MIPOL1: variants seen among roughly 807,000 people sequenced by gnomAD.
The protein encoded by MIPOL1 is mirror-image polydactyly 1.
MIPOL1 carries 57 observed loss-of-function variants against 60.9 expected under a neutral mutation model. The observed-to-expected ratio is 0.94, with a 90% CI of 0.76 to 1.17. MIPOL1 has a LOEUF of 1.17. MIPOL1 is among the 50% of genes most tolerant of loss of function. The probability of loss-of-function intolerance (pLI) is 0.00; values close to 1 mark genes in which losing one functional copy is unlikely to be tolerated. For missense variants in MIPOL1, 551 were observed against 511.6 expected, an observed-to-expected ratio of 1.08 and a Z score of -0.74; for synonymous variants, 179 against 168.8, an observed-to-expected ratio of 1.06 and a Z score of -0.47.
At chr14:37,239,776 T>C (rs1972063700) in intron 1 of MIPOL1, among the ~76,000 whole-genome samples, 2 of 152,182 alleles carry the variant, frequency 1.3e-5, no homozygotes, top group Non-Finnish European at 2.9e-5. Flanking sequence ...TCAGCTTTTG[T>C]AGTTTCTCAG....
At position 37,409,208 on chromosome 14, in the gene MIPOL1, A is replaced by G. The variant is rs559744247; in HGVS notation, c.937-13647A>G. On this transcript the variant is annotated intron_variant, in intron 10 of 12. Coordinates refer to ENST00000684589, the MANE Select transcript of MIPOL1 (RefSeq NM_001388067.1). ...TGATTTCAAAGTTAAAGATCAATCA[A>G]GCACATCAGGAAGAAAACCATCATG... 1.2e-4 allele frequency among the ~76,000 whole-genome samples: 19 copies of G among 152,300 alleles called. No individual in the cohort carries two copies. In the South Asian group the frequency reaches 3.9e-3, roughly 32 times the overall value.
At chr14:37,522,930 C>G (rs2095423818) in intron 12 of MIPOL1, among the ~76,000 whole-genome samples, 1 of 151,926 alleles carries the variant, frequency 6.6e-6, no homozygotes, top group African/African-American at 2.4e-5. Context: ...GAAACTGGAA[C>G]CCATTAATAC....
intron 9 of MIPOL1, among the ~76,000 whole-genome samples, chr14:37,367,951 C>G (rs1310637371): frequency 6.6e-6 from 1 of 151,966 alleles, no homozygotes; most frequent in Non-Finnish European, 1.5e-5. Flanking sequence ...GACAGAGACA[C>G]AGTTTAATAT....
chr14:37,483,325 G>A (rs1306445941), intron 11 of MIPOL1, among the ~76,000 whole-genome samples: 1 of 151,970 alleles, frequency 6.6e-6, no homozygotes, highest in African/African-American at 2.4e-5. Flanking sequence ...ACGTTGACCA[G>A]ACTGGTCTCA....
chr14:37,376,215 A>G (rs1262041956), intron 10 of MIPOL1, among the ~76,000 whole-genome samples: 1 of 152,192 alleles, frequency 6.6e-6, no homozygotes, highest in Non-Finnish European at 1.5e-5. Context: ...CATAGTTTAC[A>G]TTAGAATTCA....
chr14:37,487,759 T>C (rs2094973898), intron 11 of MIPOL1, among the ~76,000 whole-genome samples: 1 of 152,178 alleles, frequency 6.6e-6, no homozygotes, highest in African/African-American at 2.4e-5. Flanking sequence ...TAGCGGTCTA[T>C]TTTGTTCATC....
At chr14:37,445,855 A>G (rs1415294624) in intron 11 of MIPOL1, among the ~76,000 whole-genome samples, 3 of 152,198 alleles carry the variant, frequency 2.0e-5, no homozygotes, top group Admixed American at 1.3e-4. Context: ...GGTGCTGGGA[A>G]AACTGGCTAG....
intron 1 of MIPOL1, among the ~76,000 whole-genome samples, chr14:37,199,061 G>C (rs1027099776): frequency 3.9e-5 from 6 of 152,156 alleles, no homozygotes; most frequent in African/African-American, 1.2e-4. Context: ...AAATGAATGG[G>C]AGATGTATAC....
At chr14:37,295,861 T>A (rs1352718016) in intron 7 of MIPOL1, among the ~76,000 whole-genome samples, 1 of 152,106 alleles carries the variant, frequency 6.6e-6, no homozygotes, top group Non-Finnish European at 1.5e-5. Flanking sequence ...CATGGGAGAC[T>A]TTAACACCCC....
intron 5 of MIPOL1, among the ~76,000 whole-genome samples, chr14:37,269,620 A>C (rs1373385750): frequency 6.6e-6 from 1 of 152,136 alleles, no homozygotes; most frequent in African/African-American, 2.4e-5. Context: ...TGTCAGTGTC[A>C]ATTTAAATGG....
chr14:37,210,795 A>G (rs1197535187), intron 1 of MIPOL1, among the ~76,000 whole-genome samples: 2 of 152,186 alleles, frequency 1.3e-5, no homozygotes, highest in Non-Finnish European at 2.9e-5. Flanking sequence ...CGAGAGGGCA[A>G]TGTCTGGTTA....
At position 37,550,690 on chromosome 14, in the gene MIPOL1, T is replaced by C. The variant is rs916983623; in HGVS notation, c.*3719T>C. On this transcript the variant is annotated 3_prime_UTR_variant, in exon 13 of 13. Transcript: ENST00000684589. Reference sequence around the variant, plus strand: ...TTTATTTTGCTCGTGCTTAGCTAAATATGTCATCTCTAGAAAAGATGTGGT... The same window carrying C: ...TTTATTTTGCTCGTGCTTAGCTAAACATGTCATCTCTAGAAAAGATGTGGT... 1 of 152,534 alleles carries C rather than the reference T, an allele frequency of 6.6e-6. No individual in the cohort carries two copies. The highest frequency in any genetic ancestry group is 6.5e-5 in the Admixed American group (1 of 15,274). 9.4% of individuals were successfully genotyped at this position (152,534 alleles called of 1,614,324 possible).
intron 1 of MIPOL1, among the ~76,000 whole-genome samples, chr14:37,237,815 C>A (rs1594661843): frequency 6.6e-6 from 1 of 152,128 alleles, no homozygotes; most frequent in Non-Finnish European, 1.5e-5. Flanking sequence ...AGGAGAGAAT[C>A]TGTGTAGTTG....
At chr14:37,414,063 C>G (rs555338670) in intron 10 of MIPOL1, among the ~76,000 whole-genome samples, 21 of 151,958 alleles carry the variant, frequency 1.4e-4, no homozygotes, top group Middle Eastern at 6.8e-3. Flanking sequence ...TTTTTGTTTT[C>G]AGAAGTGTTG....
chr14:37,358,264 A>G (rs545683329), intron 9 of MIPOL1, among the ~76,000 whole-genome samples: 2 of 152,230 alleles, frequency 1.3e-5, no homozygotes, highest in South Asian at 2.1e-4. Context: ...GTTCATTCCA[A>G]TCTTTGCTAT....
chr14:37,356,799 C>A (rs1026150962), intron 9 of MIPOL1, among the ~76,000 whole-genome samples: 4 of 152,162 alleles, frequency 2.6e-5, no homozygotes, highest in African/African-American at 9.7e-5. Context: ...TGACCTGCGC[C>A]CACTGTCTGG....
intron 10 of MIPOL1, among the ~76,000 whole-genome samples, chr14:37,407,658 A>G (rs979335265): frequency 8.6e-5 from 13 of 152,000 alleles, no homozygotes; most frequent in African/African-American, 3.1e-4. Context: ...GTAGTGTTTA[A>G]TGTAGTACAT....
chr14:37,277,414 A>G (rs1293815321), intron 6 of MIPOL1: 1 of 151,252 alleles, frequency 6.6e-6, no homozygotes, highest in East Asian at 1.9e-4. Flanking sequence ...TTAATGCTTC[A>G]GGGATAAACT....
intron 12 of MIPOL1, chr14:37,501,488 G>A (rs1055618093): frequency 6.6e-6 from 1 of 151,970 alleles, no homozygotes; most frequent in Non-Finnish European, 1.5e-5. Flanking sequence ...AAAAATCTTC[G>A]GATGTGTTAT....
Sources: gnomAD v4.1 joint callset for allele counts (sites outside exome capture counted in the v4.1 genomes callset) on GRCh38, gnomAD v4.1.1 for gene constraint, MANE v1.5 for transcripts, NCBI Gene and HGNC (gene_info 2026-07-23, HGNC 2026-07-21) for gene names.